Variants in KCTD16 observed in about 807,000 individuals in gnomAD.
The protein encoded by KCTD16 is BTB/POZ domain-containing protein KCTD16.
KCTD16 carries 13 observed loss-of-function variants against 33.2 expected under a neutral mutation model. The observed-to-expected ratio is 0.39, with a 90% confidence interval of 0.25 to 0.62. KCTD16 has a LOEUF of 0.62. Ranked by LOEUF, KCTD16 falls within the 20% of genes least tolerant of loss-of-function variation. The pLI, the probability that KCTD16 is intolerant of heterozygous loss-of-function variation, is 0.50. For synonymous variants in KCTD16, 197 were observed against 195.3 expected (o/e 1.01, Z -0.07); for missense variants, 441 against 525.1 (o/e 0.84, Z 1.57).
intron 2 of KCTD16, among the ~76,000 whole-genome samples, chr5:144,182,409 C>T (rs73792183): frequency 9.5e-4 from 144 of 152,168 alleles, no homozygotes; most frequent in Middle Eastern, 3.4e-3. Context: ...AATCTAAAAG[C>T]AAACAGAGAA....
chr5:144,445,293 T>C (rs1753796417), intron 3 of KCTD16, among the ~76,000 whole-genome samples: 1 of 152,066 alleles, frequency 6.6e-6, no homozygotes, highest in Non-Finnish European at 1.5e-5. Context: ...GTCATCTAAA[T>C]CTGAATCTTC....
chr5:144,339,441 C>T (rs578228965), intron 3 of KCTD16, among the ~76,000 whole-genome samples: 3 of 152,274 alleles, frequency 2.0e-5, no homozygotes, highest in Admixed American at 6.5e-5. Flanking sequence ...TTCTTTCTCT[C>T]TCTGCCCTTC....
chr5:144,362,192 A>G (rs907644463), intron 3 of KCTD16, among the ~76,000 whole-genome samples: 7 of 152,054 alleles, frequency 4.6e-5, no homozygotes, highest in Non-Finnish European at 8.8e-5. Flanking sequence ...AATGAGAATT[A>G]CCCTTTTAGA....
intron 2 of KCTD16, among the ~76,000 whole-genome samples, chr5:144,187,424 T>TCACA (rs72391987): frequency 5.1e-4 from 77 of 150,602 alleles, no homozygotes; most frequent in African/African-American, 1.7e-3. Flanking sequence ...AGAGCTGATT[T>TCACA]CACACACACA....
At chr5:144,179,962 G>GGGT (rs1752584120) in intron 2 of KCTD16, among the ~76,000 whole-genome samples, 1 of 152,146 alleles carries the variant, frequency 6.6e-6, no homozygotes, top group Non-Finnish European at 1.5e-5. Flanking sequence ...TTTTCCCTGT[G>GGGT]GGTGCTTGCA....
At chr5:144,367,708 A>C (rs2126921335) in intron 3 of KCTD16, among the ~76,000 whole-genome samples, 1 of 148,862 alleles carries the variant, frequency 6.7e-6, no homozygotes, top group Admixed American at 6.7e-5. Context: ...TTTCTTTTTC[A>C]ACTTTTATTT....
intron 3 of KCTD16, among the ~76,000 whole-genome samples, chr5:144,418,178 A>G (rs942964588): frequency 6.6e-5 from 10 of 152,282 alleles, no homozygotes; most frequent in African/African-American, 2.4e-4. Flanking sequence ...CAAGTGTTAC[A>G]GCTCATAAAG....
chr5:144,422,699 G>A (rs1305976370), intron 3 of KCTD16, among the ~76,000 whole-genome samples: 3 of 152,054 alleles, frequency 2.0e-5, no homozygotes, highest in African/African-American at 7.2e-5. Context: ...CTCAAAAATT[G>A]GATATTTATT....
At chr5:144,361,908 G>T (rs1354765256) in intron 3 of KCTD16, among the ~76,000 whole-genome samples, 2 of 18,386 alleles carry the variant, frequency 1.1e-4, no homozygotes, top group Non-Finnish European at 2.2e-4. Flanking sequence ...GTGTTATTTT[G>T]TGTGTGTGTG....
chr5:144,171,999 T>C (rs941528306), intron 1 of KCTD16, among the ~76,000 whole-genome samples: 1 of 152,210 alleles, frequency 6.6e-6, no homozygotes, highest in Admixed American at 6.5e-5. Flanking sequence ...CATGAGCCAC[T>C]GCATTATATT....
chr5:144,325,293 C>G (rs776922720), intron 3 of KCTD16, among the ~76,000 whole-genome samples: 5 of 152,128 alleles, frequency 3.3e-5, no homozygotes, highest in Non-Finnish European at 7.4e-5. Context: ...CTGATGGACT[C>G]CTTTCTAGCC....
chr5:144,233,213 A>G (rs963551439), intron 3 of KCTD16, among the ~76,000 whole-genome samples: 3 of 152,124 alleles, frequency 2.0e-5, no homozygotes, highest in African/African-American at 7.2e-5. Context: ...TTAAATAAAA[A>G]AAGGGTCTTC....
intron 3 of KCTD16, among the ~76,000 whole-genome samples, chr5:144,351,237 A>ATCATCTGT (rs1751420026): frequency 6.6e-6 from 1 of 152,108 alleles, no homozygotes; most frequent in South Asian, 2.1e-4. Flanking sequence ...TCATATTGTG[A>ATCATCTGT]AGGTGCTAAC....
At chr5:144,290,792 C>T (rs1755876235) in intron 3 of KCTD16, among the ~76,000 whole-genome samples, 1 of 152,108 alleles carries the variant, frequency 6.6e-6, no homozygotes, top group Admixed American at 6.6e-5. Flanking sequence ...TCCTGGAAAT[C>T]ACATTTGGAT....
chr5:144,247,710 A>G (rs1314923063), intron 3 of KCTD16, among the ~76,000 whole-genome samples: 1 of 152,228 alleles, frequency 6.6e-6, no homozygotes, highest in East Asian at 1.9e-4. Flanking sequence ...TATGTAATAC[A>G]TTACCAGAAA....
At chr5:144,240,020 A>G (rs1267340993) in intron 3 of KCTD16, among the ~76,000 whole-genome samples, 1 of 152,044 alleles carries the variant, frequency 6.6e-6, no homozygotes, top group Non-Finnish European at 1.5e-5. Context: ...TACCTGGATT[A>G]CCCCCTTTAG....
At chr5:144,379,770 TTTAG>T (rs1451568634) in intron 3 of KCTD16, among the ~76,000 whole-genome samples, 3 of 152,178 alleles carry the variant, frequency 2.0e-5, no homozygotes, top group Admixed American at 2.0e-4. Flanking sequence ...TGTTGAGAAT[TTTAG>T]CTAGGCTGAG....
intron 3 of KCTD16, among the ~76,000 whole-genome samples, chr5:144,298,108 C>G (rs542826013): frequency 6.6e-6 from 1 of 152,188 alleles, no homozygotes; most frequent in Non-Finnish European, 1.5e-5. Flanking sequence ...TCATCCTAAT[C>G]GAGCTGAACA....
At chr5:144,451,249 G>A (rs1753934730) in intron 3 of KCTD16, among the ~76,000 whole-genome samples, 1 of 152,034 alleles carries the variant, frequency 6.6e-6, no homozygotes, top group South Asian at 2.1e-4. Flanking sequence ...TAGTAAATTA[G>A]AGAGCAGATT....
Sources: gnomAD v4.1 joint callset for allele counts (sites outside exome capture counted in the v4.1 genomes callset) on GRCh38, gnomAD v4.1.1 for gene constraint, MANE v1.5 for transcripts, NCBI Gene and HGNC (gene_info 2026-07-23, HGNC 2026-07-21) for gene names.